Variants in TGFBR3 observed in about 807,000 individuals in gnomAD.
TGFBR3 encodes the protein transforming growth factor beta receptor 3, also known as transforming growth factor beta receptor type 3.
In TGFBR3, 46 loss-of-function variants were observed where a neutral mutation model predicts 87.9. The ratio of observed to expected loss-of-function variants is 0.52; its 90% CI spans 0.41 to 0.67. The LOEUF is 0.67. TGFBR3 is among the 30% of genes least tolerant of loss of function. The pLI, the probability that TGFBR3 is intolerant of heterozygous loss-of-function variation, is 0.00. For missense variants in TGFBR3, 866 were observed against 1,041.9 expected (o/e 0.83, Z 2.32); for synonymous variants, 381 against 391.6 (o/e 0.97, Z 0.32).
At chr1:91,748,804 C>T in intron 4 of TGFBR3, among the ~76,000 whole-genome samples, 1 of 151,942 alleles carries the variant, frequency 6.6e-6, no homozygotes, top group Non-Finnish European at 1.5e-5. Context: ...TTAGAGCCCC[C>T]GTTTACTAGC....
intron 4 of TGFBR3, among the ~76,000 whole-genome samples, chr1:91,756,205 A>G (rs1360678992): frequency 6.6e-6 from 1 of 152,224 alleles, no homozygotes; most frequent in Non-Finnish European, 1.5e-5. Flanking sequence ...GCAGGACTGA[A>G]GAACTGTAAT....
intron 3 of TGFBR3, among the ~76,000 whole-genome samples, chr1:91,760,848 T>C (rs181260454): frequency 5.6e-4 from 85 of 152,216 alleles, no homozygotes; most frequent in African/African-American, 2.0e-3. Context: ...GCTATAGAAA[T>C]AGCAGAAGCA....
At chr1:91,894,068 T>A (rs1679501632) in intron 2 of TGFBR3, among the ~76,000 whole-genome samples, 1 of 152,124 alleles carries the variant, frequency 6.6e-6, no homozygotes, top group Non-Finnish European at 1.5e-5. Context: ...TTCTCCCTCT[T>A]TGAACTCAGC....
intron 1 of TGFBR3, among the ~76,000 whole-genome samples, chr1:91,872,084 A>AAT (rs1678600499): frequency 6.6e-6 from 1 of 152,226 alleles, no homozygotes; most frequent in East Asian, 1.9e-4. Flanking sequence ...ATGACACTGC[A>AAT]GGCTTTGTAC....
At chr1:91,704,968 G>C (rs1671746340) in intron 14 of TGFBR3, among the ~76,000 whole-genome samples, 1 of 152,198 alleles carries the variant, frequency 6.6e-6, no homozygotes, top group African/African-American at 2.4e-5. Flanking sequence ...GCCTTTATCT[G>C]CTGTCCCAGA....
At chr1:91,904,334 G>C (rs1030374886) in intron 1 of TGFBR3, among the ~76,000 whole-genome samples, 1 of 144,282 alleles carries the variant, frequency 6.9e-6, no homozygotes, top group Non-Finnish European at 1.5e-5. Flanking sequence ...TGAGGGCTTA[G>C]ATTTGGGTTC....
chr1:91,745,867 G>A (rs1232637011), intron 4 of TGFBR3, among the ~76,000 whole-genome samples: 1 of 152,224 alleles, frequency 6.6e-6, no homozygotes. Flanking sequence ...GCCATGTGAT[G>A]ATGGTATCTG....
At chr1:91,756,741 T>C (rs534924289) in intron 4 of TGFBR3, among the ~76,000 whole-genome samples, 11 of 152,328 alleles carry the variant, frequency 7.2e-5, no homozygotes, top group African/African-American at 2.4e-4. Context: ...TTAAATGTTT[T>C]CTTTTGAAAT....
At chr1:91,809,625 G>A (rs746905161) in intron 2 of TGFBR3, among the ~76,000 whole-genome samples, 10 of 152,178 alleles carry the variant, frequency 6.6e-5, no homozygotes, top group East Asian at 1.9e-4. Flanking sequence ...ACTGGGCCAC[G>A]AACTAAAACA....
intron 4 of TGFBR3, among the ~76,000 whole-genome samples, chr1:91,746,418 C>T (rs1270060694): frequency 1.3e-5 from 2 of 152,210 alleles, no homozygotes; most frequent in Non-Finnish European, 2.9e-5. Flanking sequence ...CTTCAGACTC[C>T]TAACTTTACC....
At chr1:91,896,874 C>T (rs957895641) in intron 2 of TGFBR3, among the ~76,000 whole-genome samples, 1 of 151,278 alleles carries the variant, frequency 6.6e-6, no homozygotes, top group Non-Finnish European at 1.5e-5. Flanking sequence ...GGAAGGAAGC[C>T]CTCATTAATG....
At position 91,737,313 on chromosome 1, in the gene TGFBR3, G is replaced by C. The variant is rs546693535; in HGVS notation, c.385-2354C>G. Among the ~76,000 whole-genome samples, 3 of 152,304 alleles carry C rather than the reference G, an allele frequency of 2.0e-5. No homozygotes were observed. In the East Asian group the frequency reaches 5.8e-4, roughly 29 times the overall value. On this transcript the variant is annotated intron_variant, in intron 4 of 16. Coordinates refer to ENST00000212355, the MANE Select transcript of TGFBR3 (RefSeq NM_003243.5). ...CCTGACTGCCAGCTCTCCTGACCCTGACAAGGCTACAGCTGAGTTTTAGAA... is the reference window on the plus strand; with the variant it reads ...CCTGACTGCCAGCTCTCCTGACCCTCACAAGGCTACAGCTGAGTTTTAGAA...
intron 3 of TGFBR3, among the ~76,000 whole-genome samples, chr1:91,776,182 AG>A (rs1254495327): frequency 2.0e-5 from 3 of 152,230 alleles, no homozygotes; most frequent in African/African-American, 7.2e-5. Flanking sequence ...CCCACATTTA[AG>A]CAAAGTAAAG....
Position 91,683,685 on chromosome 1 carries a change from G to A in TGFBR3, c.*54C>T. The A allele has an allele frequency of 7.0e-7, 1 of 1,430,840 alleles. No homozygotes were observed. 88.6% of individuals were successfully genotyped at this position (1,430,840 alleles called of 1,614,324 possible). Reference sequence around the variant, plus strand: ...TCAGCCATTGGTCCTGCCCTTGGCAGTAGCTGAGCTGAGCTGGGCTGGGCT... The same window carrying A: ...TCAGCCATTGGTCCTGCCCTTGGCAATAGCTGAGCTGAGCTGGGCTGGGCT... On this transcript the variant is annotated 3_prime_UTR_variant, in exon 17 of 17. Coordinates refer to ENST00000212355, the MANE Select transcript of TGFBR3 (RefSeq NM_003243.5).
intron 4 of TGFBR3, among the ~76,000 whole-genome samples, chr1:91,742,141 C>G (rs1260862269): frequency 6.6e-6 from 1 of 152,142 alleles, no homozygotes; most frequent in Admixed American, 6.5e-5. Context: ...AGGAGTATCA[C>G]CTGCTCTGTG....
intron 2 of TGFBR3, among the ~76,000 whole-genome samples, chr1:91,850,968 T>C (rs1310673403): frequency 1.3e-5 from 2 of 152,118 alleles, no homozygotes; most frequent in African/African-American, 4.8e-5. Flanking sequence ...TACTCAGGCA[T>C]ATGAGGACAA....
chr1:91,739,349 G>A (rs1300697580), intron 4 of TGFBR3, among the ~76,000 whole-genome samples: 1 of 152,012 alleles, frequency 6.6e-6, no homozygotes, highest in Non-Finnish European at 1.5e-5. Flanking sequence ...ACCAGTTCGA[G>A]GCTTTTCTAT....
At chr1:91,823,763 C>T (rs568869080) in intron 2 of TGFBR3, among the ~76,000 whole-genome samples, 1 of 152,302 alleles carries the variant, frequency 6.6e-6, no homozygotes, top group South Asian at 2.1e-4. Context: ...TAGAAAAATT[C>T]TCTGTATCTT....
At chr1:91,720,963 C>T (rs767643352) in intron 8 of TGFBR3, among the ~76,000 whole-genome samples, 13 of 152,140 alleles carry the variant, frequency 8.5e-5, no homozygotes, top group Non-Finnish European at 1.8e-4. Context: ...TTTATTCCTT[C>T]AAAGGGAGAG....
Sources: allele counts gnomAD v4.1 joint callset (sites outside exome capture counted in the v4.1 genomes callset), GRCh38; gene constraint gnomAD v4.1.1; transcripts MANE v1.5; gene names NCBI Gene and HGNC (gene_info 2026-07-23, HGNC 2026-07-21).